The following NKAIN3 variants were observed in gnomAD, a reference collection of about 807,000 sequenced individuals.
The protein encoded by NKAIN3 is sodium/potassium transporting ATPase interacting 3, also known as sodium/potassium-transporting ATPase subunit beta-1-interacting protein 3.
In NKAIN3, 25 loss-of-function variants were observed where a neutral mutation model predicts 30.2. The ratio of observed to expected loss-of-function variants is 0.83; its 90% CI spans 0.60 to 1.16. NKAIN3 has a LOEUF of 1.16. Ranked by LOEUF, NKAIN3 falls within the 50% of genes most tolerant of loss-of-function variation. NKAIN3 has a pLI of 0.00. For synonymous variants in NKAIN3, 91 were observed against 89.6 expected, an observed-to-expected ratio of 1.02 and a Z score of -0.09; for missense variants, 225 against 254.1, an observed-to-expected ratio of 0.89 and a Z score of 0.78.
At chr8:62,267,973 G>A (rs1812658890) in intron 1 of NKAIN3, among the ~76,000 whole-genome samples, 3 of 152,120 alleles carry the variant, frequency 2.0e-5, no homozygotes, top group African/African-American at 4.8e-5. Context: ...GTCCTCAACT[G>A]ATTGAAAATT....
At chr8:62,762,430 T>A (rs1373488196) in intron 4 of NKAIN3, among the ~76,000 whole-genome samples, 1 of 152,170 alleles carries the variant, frequency 6.6e-6, no homozygotes, top group Non-Finnish European at 1.5e-5. Context: ...TGGGTAGAAC[T>A]TAGCAAGTAA....
Position 62,274,081 on chromosome 8 carries a change from T to G in NKAIN3, c.54+24954T>G, listed in dbSNP as rs547505266. On this transcript the variant is annotated intron_variant, in intron 1 of 6. Coordinates refer to ENST00000623646, the MANE Select transcript of NKAIN3 (RefSeq NM_001304533.3). ...TTACTATAACTAAACCTGGAATTCGTGGGTTTATTTGATGCCTATGGCTGG... is the reference window on the plus strand; with the variant it reads ...TTACTATAACTAAACCTGGAATTCGGGGGTTTATTTGATGCCTATGGCTGG... 5.9e-5 allele frequency among the ~76,000 whole-genome samples: 9 copies of G among 152,276 alleles called. No individual in the cohort carries two copies. The East Asian group carries it at 1.7e-3, about 29-fold the overall frequency.
intron 1 of NKAIN3, among the ~76,000 whole-genome samples, chr8:62,253,502 C>T (rs762039304): frequency 3.9e-5 from 6 of 152,054 alleles, no homozygotes; most frequent in Non-Finnish European, 8.8e-5. Context: ...CCCAGGAGAT[C>T]AAGACTGCAG....
intron 4 of NKAIN3, among the ~76,000 whole-genome samples, chr8:62,774,815 T>C (rs1291308536): frequency 6.6e-6 from 1 of 152,200 alleles, no homozygotes; most frequent in Non-Finnish European, 1.5e-5. Flanking sequence ...TAGTATTTTG[T>C]TGAGGATTTT....
intron 4 of NKAIN3, 98 bp from the exon 5 acceptor site, chr8:62,918,355 G>C (rs973288261): frequency 1.2e-6 from 1 of 845,670 alleles, no homozygotes; most frequent in Non-Finnish European, 1.9e-6. Context: ...ACTCTTAAAA[G>C]TTGCTCATAA....
At chr8:62,494,308 C>T (rs528243572) in intron 1 of NKAIN3, among the ~76,000 whole-genome samples, 9 of 152,132 alleles carry the variant, frequency 5.9e-5, no homozygotes, top group South Asian at 2.1e-4. Flanking sequence ...GTTCTGTTTA[C>T]GTGATGAATC....
chr8:62,735,339 C>G (rs1430700401), intron 3 of NKAIN3, among the ~76,000 whole-genome samples: 1 of 149,816 alleles, frequency 6.7e-6, no homozygotes, highest in African/African-American at 2.4e-5. Flanking sequence ...TGGGTTAATT[C>G]AAAAACCTTT....
intron 1 of NKAIN3, among the ~76,000 whole-genome samples, chr8:62,465,616 A>G (rs761803165): frequency 3.3e-5 from 5 of 152,224 alleles, no homozygotes; most frequent in African/African-American, 7.2e-5. Context: ...GTAAACATTT[A>G]TTCTTGGACA....
intron 1 of NKAIN3, among the ~76,000 whole-genome samples, chr8:62,469,166 A>G (rs1806249285): frequency 6.6e-6 from 1 of 152,202 alleles, no homozygotes; most frequent in Non-Finnish European, 1.5e-5. Flanking sequence ...TCAATGGATT[A>G]GAGTTTAGTG....
intron 4 of NKAIN3, among the ~76,000 whole-genome samples, chr8:62,871,025 A>G (rs1256658837): frequency 6.6e-6 from 1 of 152,080 alleles, no homozygotes; most frequent in Non-Finnish European, 1.5e-5. Context: ...ACATTGACAA[A>G]CAAAAATTGT....
At chr8:62,408,196 A>T (rs1804134681) in intron 1 of NKAIN3, among the ~76,000 whole-genome samples, 6 of 152,180 alleles carry the variant, frequency 3.9e-5, no homozygotes, top group Admixed American at 3.9e-4. Flanking sequence ...ATACAGCTCT[A>T]CTTATTCATC....
chr8:62,317,150 T>G (rs1214386383), intron 1 of NKAIN3, among the ~76,000 whole-genome samples: 22 of 152,084 alleles, frequency 1.4e-4, no homozygotes, highest in Non-Finnish European at 2.9e-5. Context: ...ATTTGTTTGA[T>G]TTCATTGTAG....
chr8:62,369,584 G>A (rs1259642292), intron 1 of NKAIN3, among the ~76,000 whole-genome samples: 1 of 151,996 alleles, frequency 6.6e-6, no homozygotes, highest in Non-Finnish European at 1.5e-5. Context: ...CATTCCCTGA[G>A]AGAATTTATA....
chr8:62,499,089 C>T lies in NKAIN3; in HGVS notation c.55-80450C>T, dbSNP rs548974961. Among the ~76,000 whole-genome samples the T allele has an allele frequency of 3.9e-5, 6 of 152,128 alleles. No homozygotes were observed. The East Asian group carries it at 5.8e-4, about 15-fold the overall frequency. Reference sequence around the variant, plus strand: ...GGAGTTTCCTTGTTGATACAGAGTTCGATAGTAGTTGTCAGATTGTGCCAT... The same window carrying T: ...GGAGTTTCCTTGTTGATACAGAGTTTGATAGTAGTTGTCAGATTGTGCCAT... On this transcript the variant is annotated intron_variant, in intron 1 of 6. Transcript: ENST00000623646.
At chr8:62,896,533 C>T (rs376478697) in intron 4 of NKAIN3, among the ~76,000 whole-genome samples, 3 of 152,132 alleles carry the variant, frequency 2.0e-5, no homozygotes, top group South Asian at 4.1e-4. Flanking sequence ...AAGCCTTGAG[C>T]GTCCCTGATG....
intron 5 of NKAIN3, among the ~76,000 whole-genome samples, chr8:62,993,728 TAA>T (rs1563658343): frequency 2.0e-5 from 3 of 152,228 alleles, no homozygotes; most frequent in African/African-American, 7.2e-5. Flanking sequence ...AATACTATGC[TAA>T]AAGAGTCCTG....
At chr8:62,903,414 A>G (rs1421033216) in intron 4 of NKAIN3, among the ~76,000 whole-genome samples, 1 of 152,152 alleles carries the variant, frequency 6.6e-6, no homozygotes, top group African/African-American at 2.4e-5. Context: ...ATCCAAATAA[A>G]TAAGAGGACC....
intron 1 of NKAIN3, among the ~76,000 whole-genome samples, chr8:62,413,998 T>C (rs1185470495): frequency 6.6e-6 from 1 of 152,182 alleles, no homozygotes. Flanking sequence ...TGATTAGTAA[T>C]TGAATAAATC....
chr8:62,541,011 T>C lies in NKAIN3; in HGVS notation c.55-38528T>C, dbSNP rs1808820810. Among the ~76,000 whole-genome samples the C allele has an allele frequency of 2.6e-5, 4 of 152,244 alleles. No homozygotes were observed. The South Asian group carries it at 8.3e-4, about 32-fold the overall frequency. Reference sequence around the variant, plus strand: ...TTGTTCATGAGCTTCCAGTGTTGGATTAAAAAGTCCAGAGCCAACCAGGCT... The same window carrying C: ...TTGTTCATGAGCTTCCAGTGTTGGACTAAAAAGTCCAGAGCCAACCAGGCT... On this transcript the variant is annotated intron_variant, in intron 1 of 6. Coordinates refer to ENST00000623646, the MANE Select transcript of NKAIN3 (RefSeq NM_001304533.3).
Sources: allele counts gnomAD v4.1 joint callset (sites outside exome capture counted in the v4.1 genomes callset), GRCh38; gene constraint gnomAD v4.1.1; transcripts MANE v1.5; gene names NCBI Gene and HGNC (gene_info 2026-07-23, HGNC 2026-07-21).